The following ZNF248 variants were observed in gnomAD, a reference collection of about 807,000 sequenced individuals.
The protein encoded by ZNF248 is KRAB protein domain.
Under a neutral mutation model 44.3 loss-of-function variants are expected in ZNF248, and 20 were observed. That is an observed-to-expected ratio of 0.45 (90% CI 0.32 to 0.66). The LOEUF is 0.66. Among genes scored for constraint, ZNF248 ranks in the 30% least tolerant of loss-of-function variants. ZNF248 has a pLI of 0.04. For missense variants in ZNF248, 654 were observed against 677.0 expected (o/e 0.97, Z 0.38); for synonymous variants, 224 against 229.0 (o/e 0.98, Z 0.20).
intron 6 of ZNF248, among the ~76,000 whole-genome samples, chr10:37,802,261 T>C (rs1424907758): frequency 1.3e-5 from 2 of 152,126 alleles, no homozygotes; most frequent in African/African-American, 4.8e-5. Flanking sequence ...ATTATAAAGG[T>C]AAAGCTGGGG....
intron 6 of ZNF248, among the ~76,000 whole-genome samples, chr10:37,781,592 T>A (rs570175825): frequency 1.3e-5 from 2 of 151,018 alleles, no homozygotes; most frequent in South Asian, 4.5e-4. Flanking sequence ...TAACCCAGTC[T>A]GGGCCTCCTC....
chr10:37,790,415 AC>A (rs1325633264), intron 6 of ZNF248, among the ~76,000 whole-genome samples: 1 of 151,856 alleles, frequency 6.6e-6, no homozygotes, highest in Non-Finnish European at 1.5e-5. Context: ...CGCTGTCTCT[AC>A]AAAATAAAAA....
intron 6 of ZNF248, among the ~76,000 whole-genome samples, chr10:37,813,021 AAAAG>A (rs1273252990): frequency 6.8e-6 from 1 of 147,522 alleles, no homozygotes; most frequent in Non-Finnish European, 1.5e-5. Context: ...GGATATGGCA[AAAAG>A]AAAAAAAAAA....
At chr10:37,837,467 G>A in intron 5 of ZNF248, 150 bp downstream of exon 5, 1 of 644,242 alleles carries the variant, frequency 1.6e-6, no homozygotes, top group Non-Finnish European at 2.7e-6. Context: ...AAGGTAACAG[G>A]GATGTGGGCC....
intron 6 of ZNF248, chr10:37,819,879 AT>A: frequency 1.3e-6 from 1 of 778,520 alleles, no homozygotes; most frequent in East Asian, 2.4e-5. Flanking sequence ...TCCTTTTCTG[AT>A]GCTTGATAAG....
At chr10:37,820,015 T>A (rs2053200536) in intron 6 of ZNF248, 1 of 786,154 alleles carries the variant, frequency 1.3e-6, no homozygotes, top group Non-Finnish European at 2.3e-6. Context: ...CTTCTCTTTT[T>A]GACTTTTCTA....
the ZNF248 span, among the ~76,000 whole-genome samples, chr10:37,770,051 A>G: frequency 2.2e-4 from 34 of 152,248 alleles, no homozygotes; most frequent in African/African-American, 7.5e-4. Context: ...AAATACCTAG[A>G]AATCCAACTT....
intron 3 of ZNF248, among the ~76,000 whole-genome samples, chr10:37,838,401 C>T (rs2057669005): frequency 4.6e-5 from 7 of 152,164 alleles, no homozygotes; most frequent in Admixed American, 4.6e-4. Flanking sequence ...TATTAAGTTG[C>T]AAACTGCAGG....
In ZNF248 at chr10:37,831,207, C is replaced by G. The variant is rs2055532460; in HGVS notation, c.*408G>C. 3.2e-6 allele frequency: 5 copies of G among 1,542,686 alleles called. No individual in the cohort carries two copies. Among genetic ancestry groups the G allele is most frequent in the Non-Finnish European group, 4.4e-6 (5 of 1,143,194 alleles). On this transcript the variant is annotated 3_prime_UTR_variant, in exon 6 of 6. Coordinates refer to ENST00000395867, the MANE Select transcript of ZNF248 (RefSeq NM_021045.3). ...TTCCAATATACAAATCAAGCATACT[C>G]AAATTTATATATTTGCATACTCACA...
chr10:37,837,852 A>G, intron 4 of ZNF248, 133 bp downstream of exon 4: 2 of 1,379,692 alleles, frequency 1.4e-6, no homozygotes, highest in Non-Finnish European at 2.0e-6. Context: ...ACAAGGCAAG[A>G]GCACCTTTAT....
chr10:37,838,799 C>T (rs1042242697), intron 3 of ZNF248, among the ~76,000 whole-genome samples: 3 of 150,566 alleles, frequency 2.0e-5, no homozygotes, highest in African/African-American at 7.3e-5. Context: ...AATTAACAAA[C>T]AAGAACTTCA....
At chr10:37,788,262 TAA>T (rs59927437) in intron 6 of ZNF248, among the ~76,000 whole-genome samples, 14 of 110,290 alleles carry the variant, frequency 1.3e-4, no homozygotes, top group Admixed American at 2.0e-4. Context: ...GACTCCATCT[TAA>T]AAAAAAAAAA....
At chr10:37,820,242 A>T (rs1256622055) in intron 6 of ZNF248, 2 of 1,344,276 alleles carry the variant, frequency 1.5e-6, no homozygotes, top group Non-Finnish European at 2.1e-6. Flanking sequence ...CCAGATGGAG[A>T]TCTGTTTTTG....
the ZNF248 span, among the ~76,000 whole-genome samples, chr10:37,761,621 T>C: frequency 2.0e-5 from 3 of 152,236 alleles, no homozygotes; most frequent in South Asian, 2.1e-4. Context: ...TACAATGGAA[T>C]AGTGAATAAC....
Position 37,788,055 on chromosome 10 carries a change from G to A in ZNF248, c.331-11480C>T, listed in dbSNP as rs935336094. ...AGGCTGAGGCGGGCAGATCACCTGA[G>A]GTCAGGAGTTCAAGACCAGCCTGGC... On this transcript the variant is annotated intron_variant, in intron 6 of 6. Transcript: ENST00000615949. 3.3e-5 allele frequency among the ~76,000 whole-genome samples: 5 copies of A among 151,630 alleles called. 1 individual carries two copies. Among genetic ancestry groups the A allele is most frequent in the Admixed American group, 2.0e-4 (3 of 15,190 alleles).
At chr10:37,820,405 T>C in intron 6 of ZNF248, 2 of 1,517,654 alleles carry the variant, frequency 1.3e-6, no homozygotes, top group Non-Finnish European at 9.1e-7. Context: ...ATGAGGCTGT[T>C]GGCAGAGCAG....
At chr10:37,765,007 C>A in the ZNF248 span, among the ~76,000 whole-genome samples, 3 of 151,820 alleles carry the variant, frequency 2.0e-5, no homozygotes, top group Non-Finnish European at 4.4e-5. Flanking sequence ...GTAGCCCAGG[C>A]TGGAATGCAG....
intron 6 of ZNF248, among the ~76,000 whole-genome samples, chr10:37,789,301 A>AG (rs2048243315): frequency 1.3e-5 from 2 of 152,022 alleles, no homozygotes; most frequent in South Asian, 4.1e-4. Flanking sequence ...CAAAAAAAAA[A>AG]ACTGCTAAAA....
chr10:37,769,054 C>G, the ZNF248 span, among the ~76,000 whole-genome samples: 8 of 152,180 alleles, frequency 5.3e-5, no homozygotes, highest in East Asian at 1.3e-3. Flanking sequence ...CACATACACT[C>G]TCCCAAGACT....
Sources: gnomAD v4.1 joint callset for allele counts (sites outside exome capture counted in the v4.1 genomes callset) on GRCh38, gnomAD v4.1.1 for gene constraint, MANE v1.5 for transcripts, NCBI Gene and HGNC (gene_info 2026-07-23, HGNC 2026-07-21) for gene names.